KPNA6: variants seen among roughly 807,000 people sequenced by gnomAD.
KPNA6 encodes karyopherin subunit alpha 6.
A neutral mutation model predicts 72.0 loss-of-function variants in KPNA6; 9 were observed. The ratio of observed to expected loss-of-function variants is 0.13; its 90% confidence interval spans 0.08 to 0.22. The LOEUF (loss-of-function observed/expected upper bound fraction) is 0.22, where lower values mean the gene tolerates loss of function less well. KPNA6 is among the 10% of genes least tolerant of loss of function. The pLI is 1.00. For missense variants in KPNA6, 374 were observed against 655.7 expected, an observed-to-expected ratio of 0.57 and a Z score of 4.69; for synonymous variants, 219 against 242.1, an observed-to-expected ratio of 0.90 and a Z score of 0.89.
Position 32,173,757 on chromosome 1 carries a change from G to A in KPNA6, c.*2863G>A, listed in dbSNP as rs1163456360. ...TGGCCTAGGCGAGGTAAGGCTCTCTGGTTATTGCCAGGATGGAGCCCCTCT... is the reference window on the plus strand; with the variant it reads ...TGGCCTAGGCGAGGTAAGGCTCTCTAGTTATTGCCAGGATGGAGCCCCTCT... On this transcript the variant is annotated 3_prime_UTR_variant, in exon 14 of 14. Coordinates refer to ENST00000373625, the MANE Select transcript of KPNA6 (RefSeq NM_012316.5). The A allele has an allele frequency of 2.0e-5, 3 of 152,192 alleles. No individual in the cohort carries two copies. The highest frequency in any genetic ancestry group is 2.0e-4 in the Admixed American group (3 of 15,280). The allele number at this position is 152,192 out of a possible 1,614,324, so 9.4% of individuals were successfully genotyped here.
Position 32,157,338 on chromosome 1 carries a change from T to C in KPNA6, c.232-8T>C. On this transcript the variant is annotated splice_region_variant and splice_polypyrimidine_tract_variant and intron_variant, in intron 3 of 13. Transcript: ENST00000373625. ...TTTGCAAAGTCCTAAACTTGTTTTA[T>C]GTTCTAGGAGAGTGTGATCACAAGA... 1 of 1,607,334 alleles carries C rather than the reference T, an allele frequency of 6.2e-7. No homozygotes were observed. The highest frequency in any genetic ancestry group is 1.1e-5 in the South Asian group (1 of 90,906).
chr1:32,128,426 T>TATAC lies in KPNA6; in HGVS notation c.4+20293_4+20294insTACA, dbSNP rs1491304508. The stretch of plus-strand genomic sequence containing the variant: ...ATATATATATATATATATATATATA[T>TATAC]ACACACACACACACATATATATATA... On this transcript the variant is annotated intron_variant, in intron 1 of 13. Coordinates refer to ENST00000373625, the MANE Select transcript of KPNA6 (RefSeq NM_012316.5). Among the ~76,000 whole-genome samples the TATAC allele has an allele frequency of 3.8e-3, 376 of 99,032 alleles. 1 individual carries two copies. The highest frequency in any genetic ancestry group is 7.2e-3 in the African/African-American group (167 of 23,258). 65.0% of individuals were successfully genotyped at this position (99,032 alleles called of 152,430 possible).
chr1:32,146,457 T>A (rs972234983), intron 1 of KPNA6, among the ~76,000 whole-genome samples: 22 of 152,204 alleles, frequency 1.4e-4, no homozygotes, highest in African/African-American at 5.3e-4. Flanking sequence ...TGTATATTTT[T>A]AATTTTTATT....
At chr1:32,118,523 G>A (rs562155563) in intron 1 of KPNA6, among the ~76,000 whole-genome samples, 4 of 151,862 alleles carry the variant, frequency 2.6e-5, no homozygotes, top group African/African-American at 4.8e-5. Flanking sequence ...GGTTAGGTGC[G>A]GTAGCTCACA....
chr1:32,167,057 A>G (rs2124092748), intron 11 of KPNA6, 112 bp from the exon 12 acceptor site: 2 of 1,375,796 alleles, frequency 1.5e-6, no homozygotes, highest in Middle Eastern at 3.8e-4. Context: ...AACAAAAGAA[A>G]ACTCCCAGAA....
intron 1 of KPNA6, among the ~76,000 whole-genome samples, chr1:32,145,073 C>T (rs1224724872): frequency 6.6e-6 from 1 of 151,928 alleles, no homozygotes; most frequent in East Asian, 1.9e-4. Context: ...CTGCCTCAGC[C>T]TCCCATGTAG....
intron 1 of KPNA6, among the ~76,000 whole-genome samples, chr1:32,118,040 A>C (rs548367979): frequency 6.6e-6 from 1 of 152,024 alleles, no homozygotes; most frequent in South Asian, 2.1e-4. Context: ...CTCCTGCCTC[A>C]GCCTCCTGAG....
At chr1:32,108,711 T>C (rs1028386804) in intron 1 of KPNA6, among the ~76,000 whole-genome samples, 1 of 152,142 alleles carries the variant, frequency 6.6e-6, no homozygotes, top group Non-Finnish European at 1.5e-5. Context: ...GGAAATAGTG[T>C]GGTTCGGTTG....
intron 10 of KPNA6, 25 bp from the exon 11 acceptor site, chr1:32,166,080 G>T (rs1436418713): frequency 6.4e-7 from 1 of 1,564,570 alleles, no homozygotes; most frequent in Admixed American, 2.2e-5. Flanking sequence ...TTTTTCTTTT[G>T]TTTCCTGTGC....
intron 1 of KPNA6, among the ~76,000 whole-genome samples, chr1:32,139,030 C>T (rs2124006548): frequency 6.6e-6 from 1 of 152,254 alleles, no homozygotes; most frequent in East Asian, 1.9e-4. Context: ...AGGAAGGTTT[C>T]TTTGCTATAT....
intron 1 of KPNA6, among the ~76,000 whole-genome samples, chr1:32,138,093 C>T (rs1468188687): frequency 6.6e-6 from 1 of 150,960 alleles, no homozygotes; most frequent in East Asian, 2.0e-4. Context: ...CAAGATCGTG[C>T]CACTGCACTC....
chr1:32,128,387 T>TTA (rs67312157), intron 1 of KPNA6, among the ~76,000 whole-genome samples: 5,745 of 71,820 alleles, frequency 0.08, 244 homozygotes, highest in Middle Eastern at 0.11. Flanking sequence ...ATATATGTAT[T>TTA]TATATATATA....
intron 1 of KPNA6, among the ~76,000 whole-genome samples, chr1:32,147,651 T>TC (rs1641953681): frequency 2.3e-5 from 2 of 88,378 alleles, no homozygotes. Flanking sequence ...ATTTCTTTTC[T>TC]TTTTTTTTTT....
chr1:32,167,464 T>C (rs1165420895), intron 12 of KPNA6, among the ~76,000 whole-genome samples, 168 bp downstream of exon 12: 1 of 151,980 alleles, frequency 6.6e-6, no homozygotes, highest in African/African-American at 2.4e-5. Context: ...GAATCTGGAA[T>C]AGATTCCATG....
In KPNA6 at chr1:32,175,432, T is replaced by TAAGCTCTCAGAGATCCTAACAC. The variant is rs1553133174; in HGVS notation, c.*4539_*4560dup. On this transcript the variant is annotated 3_prime_UTR_variant, in exon 14 of 14. Coordinates refer to ENST00000373625, the MANE Select transcript of KPNA6 (RefSeq NM_012316.5). ...ATGGCCTGGGGGGCATTGAAGGAAG[T>TAAGCTCTCAGAGATCCTAACAC]AAGCTCTCAGAGATCCTAACACTGG... 6.6e-6 allele frequency: 1 copy of TAAGCTCTCAGAGATCCTAACAC among 152,250 alleles called. No homozygotes were observed. The highest frequency in any genetic ancestry group is 1.5e-5 in the Non-Finnish European group (1 of 68,102). 9.4% of individuals were successfully genotyped at this position (152,250 alleles called of 1,614,324 possible). A position where few individuals can be genotyped will look rare whatever the true frequency, so the allele number is the denominator to read the frequency against.
At chr1:32,146,870 G>GTT (rs57174756) in intron 1 of KPNA6, among the ~76,000 whole-genome samples, 8 of 150,542 alleles carry the variant, frequency 5.3e-5, no homozygotes, top group South Asian at 4.2e-4. Context: ...TGTTTTTTGT[G>GTT]TTTTTTTTTG....
intron 1 of KPNA6, chr1:32,142,993 C>T (rs1346781226): frequency 7.8e-7 from 1 of 1,289,742 alleles, no homozygotes; most frequent in Admixed American, 2.3e-5. Context: ...TCCAGGACAG[C>T]CCAGGCTCAG....
chr1:32,148,557 CT>C lies in KPNA6; in HGVS notation c.5-6019del, dbSNP rs59642374. Among the ~76,000 whole-genome samples, 328 of 134,396 alleles carry C rather than the reference CT, an allele frequency of 2.4e-3. 3 individuals are homozygous for C. In the East Asian group the frequency reaches 0.033, roughly 14 times the overall value. 88.2% of individuals were successfully genotyped at this position (134,396 alleles called of 152,430 possible). On this transcript the variant is annotated intron_variant, in intron 1 of 13. Coordinates refer to ENST00000373625, the MANE Select transcript of KPNA6 (RefSeq NM_012316.5). ...CTCCCATAATGTGGTGTATATTGGT[CT>C]TTTTTTTTTTTCTTTTTTTTTTTTT...
intron 1 of KPNA6, among the ~76,000 whole-genome samples, chr1:32,131,486 T>C (rs1020551568): frequency 1.3e-5 from 2 of 152,068 alleles, no homozygotes; most frequent in Admixed American, 6.6e-5. Flanking sequence ...CTGTCTCTAC[T>C]TTTATTTTTT....
Sources: allele counts gnomAD v4.1 joint callset (sites outside exome capture counted in the v4.1 genomes callset), GRCh38; gene constraint gnomAD v4.1.1; transcripts MANE v1.5; gene names NCBI Gene and HGNC (gene_info 2026-07-23, HGNC 2026-07-21).